Variants in KHDRBS2 observed in about 807,000 individuals in gnomAD.
KHDRBS2 encodes KH RNA binding domain containing, signal transduction associated 2.
In KHDRBS2, 26 loss-of-function variants were observed where a neutral mutation model predicts 44.3. The observed-to-expected ratio is 0.59, with a 90% CI of 0.43 to 0.81. The LOEUF is 0.81. Ranked by LOEUF, KHDRBS2 falls within the 40% of genes least tolerant of loss-of-function variation. The probability of loss-of-function intolerance (pLI) is 0.00; values close to 1 mark genes in which losing one functional copy is unlikely to be tolerated. For missense variants in KHDRBS2, 476 were observed against 433.1 expected, an observed-to-expected ratio of 1.10 and a Z score of -0.88; for synonymous variants, 194 against 151.1, an observed-to-expected ratio of 1.28 and a Z score of -2.08.
the KHDRBS2 span, among the ~76,000 whole-genome samples, chr6:61,572,518 CA>C: frequency 3.3e-5 from 5 of 151,484 alleles, no homozygotes; most frequent in Middle Eastern, 3.4e-3. Flanking sequence ...AACAAACAAA[CA>C]AAAAAAACTA....
In KHDRBS2 at chr6:61,865,135, T is replaced by G. The variant is rs1440651845; in HGVS notation, c.810+29500A>C. Among the ~76,000 whole-genome samples the G allele has an allele frequency of 2.0e-5, 3 of 152,314 alleles. No individual in the cohort carries two copies. In the East Asian group the frequency reaches 5.8e-4, roughly 29 times the overall value. The stretch of plus-strand genomic sequence containing the variant: ...GGCTCTGTCAGGTCAGTTATGTTCC[T>G]CTTTATACTCACTGTTTTGGCTATC... On this transcript the variant is annotated intron_variant, in intron 6 of 8. Coordinates refer to ENST00000281156, the MANE Select transcript of KHDRBS2 (RefSeq NM_152688.4).
chr6:61,788,538 T>G lies in KHDRBS2; in HGVS notation c.811-55774A>C, dbSNP rs573044356. ...TAGTATCTCACATATTCCTATTTGG[T>G]TTTTGAAAAAGAGTTTCACATATTT... On this transcript the variant is annotated intron_variant, in intron 6 of 8. Coordinates refer to ENST00000281156, the MANE Select transcript of KHDRBS2 (RefSeq NM_152688.4). 1.6e-4 allele frequency among the ~76,000 whole-genome samples: 24 copies of G among 151,558 alleles called. No homozygotes were observed. The South Asian group carries it at 3.1e-3, about 20-fold the overall frequency.
chr6:62,244,807 G>A (rs1835278518), intron 1 of KHDRBS2, among the ~76,000 whole-genome samples: 1 of 152,084 alleles, frequency 6.6e-6, no homozygotes, highest in African/African-American at 2.4e-5. Context: ...GAACAGAGCA[G>A]TTTACATTTG....
the KHDRBS2 span, among the ~76,000 whole-genome samples, chr6:61,660,248 G>C: frequency 6.6e-6 from 1 of 151,808 alleles, no homozygotes; most frequent in Non-Finnish European, 1.5e-5. Flanking sequence ...AGTTTGGAAA[G>C]ATGTTAAGTA....
At chr6:61,830,457 A>G (rs1485844709) in intron 6 of KHDRBS2, among the ~76,000 whole-genome samples, 1 of 152,232 alleles carries the variant, frequency 6.6e-6, no homozygotes, top group Non-Finnish European at 1.5e-5. Context: ...ACCATAGAAC[A>G]TTTTGGAAAC....
At chr6:61,547,996 A>T in the KHDRBS2 span, among the ~76,000 whole-genome samples, 9 of 152,224 alleles carry the variant, frequency 5.9e-5, no homozygotes, top group African/African-American at 2.2e-4. Context: ...CTCCAAATCA[A>T]CAGGGAAGAA....
chr6:62,042,416 A>T (rs1786728239), intron 3 of KHDRBS2, among the ~76,000 whole-genome samples: 1 of 152,124 alleles, frequency 6.6e-6, no homozygotes, highest in Non-Finnish European at 1.5e-5. Context: ...TGTGCAGTTC[A>T]TTAGAGGCAC....
chr6:61,646,101 G>A, the KHDRBS2 span, among the ~76,000 whole-genome samples: 59 of 152,216 alleles, frequency 3.9e-4, no homozygotes, highest in Middle Eastern at 3.4e-3. Context: ...AGGATTAAAC[G>A]AGTCAGTCCA....
At chr6:61,651,071 T>C in the KHDRBS2 span, among the ~76,000 whole-genome samples, 1 of 152,002 alleles carries the variant, frequency 6.6e-6, no homozygotes, top group Non-Finnish European at 1.5e-5. Flanking sequence ...GTGGAGATGG[T>C]GACAGAAATA....
chr6:61,681,532 G>T (rs1433147760), intron 8 of KHDRBS2, among the ~76,000 whole-genome samples: 2 of 151,862 alleles, frequency 1.3e-5, no homozygotes, highest in Non-Finnish European at 2.9e-5. Context: ...CCAGATGATA[G>T]TTATATGGTC....
At chr6:61,996,878 G>T (rs1234632783) in intron 3 of KHDRBS2, among the ~76,000 whole-genome samples, 1 of 148,458 alleles carries the variant, frequency 6.7e-6, no homozygotes, top group Non-Finnish European at 1.5e-5. Context: ...CTGCGCCCGA[G>T]TTTAAGCAAT....
At chr6:61,703,706 A>T (rs1277544036) in intron 7 of KHDRBS2, among the ~76,000 whole-genome samples, 7 of 151,900 alleles carry the variant, frequency 4.6e-5, no homozygotes, top group African/African-American at 1.7e-4. Flanking sequence ...TACTGTGTAG[A>T]TGAATGAGTA....
At chr6:61,632,232 T>TACC in the KHDRBS2 span, among the ~76,000 whole-genome samples, 1 of 152,164 alleles carries the variant, frequency 6.6e-6, no homozygotes, top group East Asian at 1.9e-4. Context: ...GTTATTTGGA[T>TACC]ACCAAATGAT....
chr6:61,947,457 G>T (rs533248276), intron 4 of KHDRBS2, among the ~76,000 whole-genome samples: 1 of 152,250 alleles, frequency 6.6e-6, no homozygotes, highest in East Asian at 1.9e-4. Context: ...ATTAAGTTCT[G>T]TAGTATGAAG....
At position 61,996,738 on chromosome 6, in the gene KHDRBS2, G is replaced by T. The variant is rs1777236703; in HGVS notation, c.337-18526C>A. ...ACTTTAATATCTTTTCATTGTGATA[G>T]CCTTTTAAATATTAAATAAACATAC... On this transcript the variant is annotated intron_variant, in intron 3 of 8. Transcript: ENST00000281156. 2.0e-5 allele frequency among the ~76,000 whole-genome samples: 3 copies of T among 151,990 alleles called. No individual in the cohort carries two copies. The South Asian group carries it at 6.2e-4, about 32-fold the overall frequency.
rs1309096063 is a variant in KHDRBS2, at chr6:61,978,177, A to G, written c.372T>C (p.Tyr124=). The change falls in exon 4 of 9, where the codon TAT becomes TAC. Residue 124 remains tyrosine (Y), a synonymous_variant. Transcript: ENST00000281156. ...EELRKSGEAK[Y]AHLSDELHVL... Reference sequence around the variant, plus strand: ...CATGAAGCTCATCACTCAAGTGGGCATATTTGGCTTCCCCACTCTTCCTTA... The same window carrying G: ...CATGAAGCTCATCACTCAAGTGGGCGTATTTGGCTTCCCCACTCTTCCTTA... The G allele has an allele frequency of 2.5e-6, 4 of 1,608,880 alleles. No homozygotes were observed. The highest frequency in any genetic ancestry group is 3.4e-6 in the Non-Finnish European group (4 of 1,178,118).
chr6:62,123,688 C>T (rs1054799934), intron 2 of KHDRBS2, among the ~76,000 whole-genome samples: 1 of 152,102 alleles, frequency 6.6e-6, no homozygotes, highest in Non-Finnish European at 1.5e-5. Flanking sequence ...GAGCATTAGG[C>T]CATAAATATG....
chr6:62,047,775 T>A (rs545175380), intron 3 of KHDRBS2, 103 bp downstream of exon 3: 2 of 727,190 alleles, frequency 2.8e-6, no homozygotes, highest in Non-Finnish European at 5.0e-6. Flanking sequence ...ATGGAAATCA[T>A]AGGAAATGGT....
At chr6:62,223,468 T>A (rs1477223593) in intron 1 of KHDRBS2, among the ~76,000 whole-genome samples, 2 of 152,348 alleles carry the variant, frequency 1.3e-5, no homozygotes, top group African/African-American at 4.8e-5. Context: ...TAAGGACATT[T>A]TCCCCATTGT....
Sources: gnomAD v4.1 joint callset for allele counts (sites outside exome capture counted in the v4.1 genomes callset) on GRCh38, gnomAD v4.1.1 for gene constraint, MANE v1.5 for transcripts, NCBI Gene and HGNC (gene_info 2026-07-23, HGNC 2026-07-21) for gene names.